HAVCR1: variants seen among roughly 807,000 people sequenced by gnomAD.
HAVCR1 encodes hepatitis A virus cellular receptor 1.
A neutral mutation model predicts 32.0 loss-of-function variants in HAVCR1; 34 were observed. The ratio of observed to expected loss-of-function variants is 1.06; its 90% confidence interval spans 0.81 to 1.42. The LOEUF (loss-of-function observed/expected upper bound fraction) is 1.42, where lower values mean the gene tolerates loss of function less well. HAVCR1 is among the 40% of genes most tolerant of loss of function. HAVCR1 has a pLI of 0.00. For synonymous variants in HAVCR1, 178 were observed against 170.3 expected, an observed-to-expected ratio of 1.05 and a Z score of -0.35; for missense variants, 420 against 442.3, an observed-to-expected ratio of 0.95 and a Z score of 0.45.
rs1213581774 is a variant in HAVCR1 at position 157,055,365 on chromosome 5, C to T, written c.215G>A (p.Arg72Gln). Residue 72 changes from arginine (R) to glutamine (Q), a missense_variant, in exon 3 of 9, where the codon CGG becomes CAG. Arg to Gln is a conservative substitution (Grantham distance 43, BLOSUM62 1). Transcript: ENST00000523175. ...VWTNGTHVTY[R>Q]KDTRYKLLGD... Reference sequence around the variant, plus strand: ...CAATAGCTTATAGCGTGTGTCCTTCCGATAGGTGACGTGGGTTCCATTGGT... The same window carrying T: ...CAATAGCTTATAGCGTGTGTCCTTCTGATAGGTGACGTGGGTTCCATTGGT... 8.1e-6 allele frequency: 13 copies of T among 1,613,740 alleles called. No individual in the cohort carries two copies. Among genetic ancestry groups the T allele is most frequent in the African/African-American group, 2.7e-5 (2 of 74,896 alleles).
At chr5:157,039,345 T>G (rs1413295051) in intron 6 of HAVCR1, among the ~76,000 whole-genome samples, 1 of 152,188 alleles carries the variant, frequency 6.6e-6, no homozygotes, top group East Asian at 1.9e-4. Context: ...CTATAACCTA[T>G]GTCAGTAAAT....
chr5:157,040,881 T>C (rs925003864), intron 6 of HAVCR1, among the ~76,000 whole-genome samples: 2 of 151,614 alleles, frequency 1.3e-5, no homozygotes, highest in Non-Finnish European at 2.9e-5. Context: ...GCCTGGGCGA[T>C]GAAAGTAAAA....
At chr5:157,065,559 A>C in the HAVCR1 span, among the ~76,000 whole-genome samples, 1 of 152,184 alleles carries the variant, frequency 6.6e-6, no homozygotes, top group Non-Finnish European at 1.5e-5. Context: ...TCTCTACATA[A>C]GAATAAATTT....
In HAVCR1 at chr5:157,052,466, C is replaced by G; in HGVS notation, c.568G>C (p.Val190Leu). The stretch of plus-strand genomic sequence containing the variant: ...GTTGGAATGCTCGTTGTCGTTGGAA[C>G]GCTCGTTGTCGTTGAAACAGTCATT... Reference protein sequence around the residue: ...TTMTVSTTTSVPTTTSIPTTT... With the variant: ...TTMTVSTTTSLPTTTSIPTTT... Residue 190 changes from valine (V) to leucine (L), a missense_variant, in exon 4 of 9, where the codon GTT (valine) becomes CTT (leucine). Transcript: ENST00000523175. The G allele has an allele frequency of 5.6e-6, 9 of 1,603,632 alleles. No individual in the cohort carries two copies. Among genetic ancestry groups the G allele is most frequent in the Non-Finnish European group, 6.8e-6 (8 of 1,173,764 alleles).
chr5:157,039,842 T>C (rs1179104646), intron 6 of HAVCR1, among the ~76,000 whole-genome samples: 1 of 152,172 alleles, frequency 6.6e-6, no homozygotes, highest in Admixed American at 6.5e-5. Flanking sequence ...TGGGTCAAAA[T>C]GTATTCTGCA....
At chr5:157,044,437 A>AGGAAGGAAGG (rs1193993535) in intron 5 of HAVCR1, among the ~76,000 whole-genome samples, 1 of 40,330 alleles carries the variant, frequency 2.5e-5, no homozygotes, top group Non-Finnish European at 4.8e-5. Context: ...GAAAGAAAGA[A>AGGAAGGAAGG]AGAAAGAAAG....
upstream of HAVCR1, among the ~76,000 whole-genome samples, chr5:157,062,206 T>G (rs1756504731): frequency 6.6e-6 from 1 of 152,052 alleles, no homozygotes; most frequent in South Asian, 2.1e-4. Flanking sequence ...CGGCAGTGAA[T>G]TGAAATGATT....
At chr5:157,049,428 T>C (rs999390119) in intron 4 of HAVCR1, among the ~76,000 whole-genome samples, 12 of 152,216 alleles carry the variant, frequency 7.9e-5, no homozygotes, top group Non-Finnish European at 1.6e-4. Flanking sequence ...ATAGTCAATA[T>C]ATACGATTAT....
intron 5 of HAVCR1, among the ~76,000 whole-genome samples, chr5:157,046,120 C>G (rs1406397759): frequency 6.6e-6 from 1 of 152,180 alleles, no homozygotes; most frequent in Non-Finnish European, 1.5e-5. Context: ...CTCTGTGAAT[C>G]ACACTGCAGG....
At chr5:157,055,094 A>T in intron 3 of HAVCR1, 107 bp downstream of exon 3, 1 of 616,038 alleles carries the variant, frequency 1.6e-6, no homozygotes, top group Non-Finnish European at 2.9e-6. Flanking sequence ...GAGTTTATTT[A>T]AAAACAGGAC....
upstream of HAVCR1, among the ~76,000 whole-genome samples, chr5:157,061,893 G>A (rs774190945): frequency 1.5e-4 from 23 of 152,274 alleles, no homozygotes; most frequent in African/African-American, 5.5e-4. Context: ...GGACAGGGAT[G>A]TGGAGCCAAG....
upstream of HAVCR1, among the ~76,000 whole-genome samples, chr5:157,061,791 G>T (rs1002840297): frequency 4.6e-5 from 7 of 152,158 alleles, no homozygotes; most frequent in East Asian, 1.9e-4. Context: ...GACGGAATGT[G>T]GGGGGTGGGA....
chr5:157,066,055 T>TAAAAAAAAAAAAAAAA, the HAVCR1 span, among the ~76,000 whole-genome samples: 161 of 66,870 alleles, frequency 2.4e-3, 4 homozygotes, highest in Non-Finnish European at 2.8e-3. Flanking sequence ...GACTCCGTCT[T>TAAAAAAAAAAAAAAAA]AAAAAAAAAA....
intron 8 of HAVCR1, among the ~76,000 whole-genome samples, chr5:157,030,688 G>A (rs919006113): frequency 1.3e-5 from 2 of 152,164 alleles, no homozygotes; most frequent in Admixed American, 1.3e-4. Flanking sequence ...ACAAGTGAGG[G>A]AAGAAAGTAG....
rs200904360 is a variant in HAVCR1, at chr5:157,052,481, A to G, written c.553T>C (p.Ser185Pro). Residue 185 changes from serine to proline, a missense_variant, in exon 4 of 9, where the codon TCA (serine) becomes CCA (proline). Coordinates refer to ENST00000523175, the MANE Select transcript of HAVCR1 (RefSeq NM_001173393.3). ...GTCGTTGGAACGCTCGTTGTCGTTG[A>G]AACAGTCATTGTCGTCAGAACAGTC... The part of the protein sequence containing the change: ...TTTVLTTMTV[S>P]TTTSVPTTTS... 511 of 1,602,904 alleles carry G rather than the reference A, an allele frequency of 3.2e-4. 1 individual carries two copies. The highest frequency in any genetic ancestry group is 3.8e-4 in the Non-Finnish European group (440 of 1,173,200).
At chr5:157,057,453 A>ATC (rs1756272138) in intron 2 of HAVCR1, among the ~76,000 whole-genome samples, 1 of 109,790 alleles carries the variant, frequency 9.1e-6, no homozygotes, top group African/African-American at 3.3e-5. Context: ...GAAAGAAAGA[A>ATC]AGAAAGAAAG....
At chr5:157,035,990 A>G (rs1410574324) in intron 7 of HAVCR1, among the ~76,000 whole-genome samples, 1 of 152,154 alleles carries the variant, frequency 6.6e-6, no homozygotes, top group Non-Finnish European at 1.5e-5. Context: ...GCATCTGCAG[A>G]TTTTGGAATC....
intron 2 of HAVCR1, among the ~76,000 whole-genome samples, chr5:157,057,213 A>G (rs1055569606): frequency 1.3e-5 from 2 of 151,552 alleles, no homozygotes; most frequent in Admixed American, 1.3e-4. Flanking sequence ...GCTACTTGGG[A>G]GACTGAGGCA....
At chr5:157,055,842 G>A (rs542541401) in intron 2 of HAVCR1, among the ~76,000 whole-genome samples, 3 of 151,640 alleles carry the variant, frequency 2.0e-5, no homozygotes, top group East Asian at 3.9e-4. Context: ...TCCAGCCTGG[G>A]TGACAGAGCA....
Sources: allele counts gnomAD v4.1 joint callset (sites outside exome capture counted in the v4.1 genomes callset), GRCh38; gene constraint gnomAD v4.1.1; transcripts MANE v1.5; gene names NCBI Gene and HGNC (gene_info 2026-07-23, HGNC 2026-07-21).